LRRTM4: variants seen among roughly 807,000 people sequenced by gnomAD.
LRRTM4 encodes leucine-rich repeat transmembrane neuronal protein 4.
LRRTM4 carries 25 observed loss-of-function variants against 47.6 expected under a neutral mutation model. That is an observed-to-expected ratio of 0.53 (90% CI 0.38 to 0.73). The LOEUF (loss-of-function observed/expected upper bound fraction) is 0.73. LRRTM4 is among the 30% of genes least tolerant of loss of function. LRRTM4 has a pLI of 0.00. For synonymous variants in LRRTM4, 311 were observed against 269.5 expected (o/e 1.15, Z -1.51); for missense variants, 638 against 713.4 (o/e 0.89, Z 1.20).
chr2:76,872,699 T>C (rs1412417841), intron 3 of LRRTM4, among the ~76,000 whole-genome samples: 1 of 152,058 alleles, frequency 6.6e-6, no homozygotes, highest in African/African-American at 2.4e-5. Flanking sequence ...TATTTGACCC[T>C]CCAAACCTCA....
intron 3 of LRRTM4, among the ~76,000 whole-genome samples, chr2:77,498,962 C>T (rs572147624): frequency 2.6e-5 from 4 of 151,926 alleles, no homozygotes; most frequent in African/African-American, 4.8e-5. Context: ...ACTCCTTGCT[C>T]GCTACATATG....
Position 76,953,359 on chromosome 2 carries a change from T to C in LRRTM4, c.1552-204443A>G, listed in dbSNP as rs575027943. Among the ~76,000 whole-genome samples, 31 of 151,910 alleles carry C rather than the reference T, an allele frequency of 2.0e-4. No homozygotes were observed. The East Asian group carries it at 3.7e-3, about 18-fold the overall frequency. On this transcript the variant is annotated intron_variant, in intron 3 of 3. Coordinates refer to ENST00000409884, the MANE Select transcript of LRRTM4 (RefSeq NM_001134745.3). Reference sequence around the variant, plus strand: ...TCAGTCAGGAAGTGGCAGTACTCCATGCAACCTCAAAGCCAAGAATAGTTG... The same window carrying C: ...TCAGTCAGGAAGTGGCAGTACTCCACGCAACCTCAAAGCCAAGAATAGTTG...
At chr2:76,780,132 C>T (rs1307957816) in intron 3 of LRRTM4, among the ~76,000 whole-genome samples, 2 of 152,208 alleles carry the variant, frequency 1.3e-5, no homozygotes, top group Non-Finnish European at 2.9e-5. Flanking sequence ...GAGAGATCCG[C>T]TGTTAGTCTG....
chr2:76,864,495 T>TA (rs1672408067), intron 3 of LRRTM4, among the ~76,000 whole-genome samples: 1 of 151,862 alleles, frequency 6.6e-6, no homozygotes, highest in Admixed American at 6.6e-5. Context: ...CCATCTCTAC[T>TA]AAAAATACAA....
At position 76,902,218 on chromosome 2, in the gene LRRTM4, T is replaced by TA. The variant is rs1315917671; in HGVS notation, c.1552-153303dup. ...TTGTGAAAATACACTGTCTATTTTTTACAGCACTCTGGCCCTCTGGCTACA... is the reference window on the plus strand; with the variant it reads ...TTGTGAAAATACACTGTCTATTTTTTAACAGCACTCTGGCCCTCTGGCTACA... On this transcript the variant is annotated intron_variant, in intron 3 of 3. Transcript: ENST00000409884. Among the ~76,000 whole-genome samples, 3 of 152,332 alleles carry TA rather than the reference T, an allele frequency of 2.0e-5. No homozygotes were observed. The East Asian group carries it at 5.8e-4, about 29-fold the overall frequency.
At position 76,748,661 on chromosome 2, in the gene LRRTM4, C is replaced by A. The variant is rs201014056; in HGVS notation, c.*34G>T. 3.6e-5 allele frequency: 53 copies of A among 1,455,512 alleles called. No homozygotes were observed. In the Middle Eastern group the frequency reaches 1.1e-3, roughly 30 times the overall value. 90.2% of individuals were successfully genotyped at this position (1,455,512 alleles called of 1,614,324 possible). On this transcript the variant is annotated 3_prime_UTR_variant, in exon 4 of 4. Coordinates refer to ENST00000409884, the MANE Select transcript of LRRTM4 (RefSeq NM_001134745.3). ...TAAGATGAAGGCCCTCCCTCCCCCC[C>A]ATGGAGCTCCCCAGTGAGGAGTTGG... is the stretch of plus-strand genomic sequence containing the variant.
At chr2:77,395,729 A>G (rs1673674630) in intron 3 of LRRTM4, among the ~76,000 whole-genome samples, 1 of 151,976 alleles carries the variant, frequency 6.6e-6, no homozygotes, top group African/African-American at 2.4e-5. Flanking sequence ...GACAAATGAG[A>G]CTAGCTGGCC....
intron 3 of LRRTM4, among the ~76,000 whole-genome samples, chr2:76,882,874 C>T (rs924615062): frequency 2.0e-5 from 3 of 152,100 alleles, no homozygotes; most frequent in Non-Finnish European, 2.9e-5. Context: ...CTGTCTTCCA[C>T]GGGCCTACTC....
intron 3 of LRRTM4, among the ~76,000 whole-genome samples, chr2:77,173,316 A>G (rs1035113151): frequency 3.3e-5 from 5 of 152,218 alleles, no homozygotes; most frequent in African/African-American, 1.2e-4. Context: ...GTTTAAACTC[A>G]GAGAAAGAAG....
intron 3 of LRRTM4, among the ~76,000 whole-genome samples, chr2:77,116,891 A>T (rs1244755426): frequency 6.6e-6 from 1 of 152,238 alleles, no homozygotes; most frequent in South Asian, 2.1e-4. Context: ...GCAACAATCA[A>T]TATCAATCAC....
chr2:77,290,923 G>A (rs1676806614), intron 3 of LRRTM4, among the ~76,000 whole-genome samples: 1 of 151,952 alleles, frequency 6.6e-6, no homozygotes, highest in African/African-American at 2.4e-5. Flanking sequence ...AGTGCCCTGT[G>A]ATCTTCCAGT....
intron 3 of LRRTM4, among the ~76,000 whole-genome samples, chr2:76,914,407 C>G (rs1674175042): frequency 6.6e-6 from 1 of 151,866 alleles, no homozygotes; most frequent in African/African-American, 2.4e-5. Flanking sequence ...TCCACTGTGT[C>G]TTTATATTTG....
In LRRTM4 at chr2:77,223,336, A is replaced by T. The variant is rs557748957; in HGVS notation, c.1551+294982T>A. Reference sequence around the variant, plus strand: ...GCCTCTCTCACCACTCCTATTCAACATAGTGTTGGACATTCTGGCCAGGGC... The same window carrying T: ...GCCTCTCTCACCACTCCTATTCAACTTAGTGTTGGACATTCTGGCCAGGGC... On this transcript the variant is annotated intron_variant, in intron 3 of 3. Coordinates refer to ENST00000409884, the MANE Select transcript of LRRTM4 (RefSeq NM_001134745.3). Among the ~76,000 whole-genome samples the T allele has an allele frequency of 2.0e-5, 3 of 152,312 alleles. No individual in the cohort carries two copies. The South Asian group carries it at 6.2e-4, about 32-fold the overall frequency.
At chr2:77,069,401 ATGTG>A (rs3058064) in intron 3 of LRRTM4, among the ~76,000 whole-genome samples, 2,456 of 141,474 alleles carry the variant, frequency 0.017, 26 homozygotes, top group Middle Eastern at 0.047. Flanking sequence ...ACATTTCACT[ATGTG>A]TGTGTGTGTG....
intron 3 of LRRTM4, among the ~76,000 whole-genome samples, chr2:77,223,797 T>C (rs898243462): frequency 1.3e-5 from 2 of 152,062 alleles, no homozygotes; most frequent in African/African-American, 4.8e-5. Flanking sequence ...AGGTAATTGA[T>C]AGATTCAATG....
At chr2:76,985,996 C>T (rs34372910) in intron 3 of LRRTM4, 83,331 of 151,822 alleles carry the variant, frequency 0.55, 24,715 homozygotes, top group African/African-American at 0.78. Flanking sequence ...CTGCTTCTAG[C>T]AAAGGGTAGA....
intron 3 of LRRTM4, among the ~76,000 whole-genome samples, chr2:77,255,630 C>T (rs542526684): frequency 6.6e-6 from 1 of 152,078 alleles, no homozygotes; most frequent in South Asian, 2.1e-4. Flanking sequence ...CAGGAAAATC[C>T]ACAAATATTT....
intron 3 of LRRTM4, among the ~76,000 whole-genome samples, chr2:76,850,188 G>C (rs1671951413): frequency 6.6e-6 from 1 of 151,842 alleles, no homozygotes. Context: ...GTTTTTTTCT[G>C]CTGTCCATAC....
intron 3 of LRRTM4, among the ~76,000 whole-genome samples, chr2:77,317,940 T>C (rs1365609221): frequency 6.6e-6 from 1 of 150,996 alleles, no homozygotes; most frequent in Non-Finnish European, 1.5e-5. Flanking sequence ...TCAAAAGATA[T>C]AAAACTAATG....
Sources: gnomAD v4.1 joint callset for allele counts (sites outside exome capture counted in the v4.1 genomes callset) on GRCh38, gnomAD v4.1.1 for gene constraint, MANE v1.5 for transcripts, NCBI Gene and HGNC (gene_info 2026-07-23, HGNC 2026-07-21) for gene names.